Variants in ADAMTS14 observed in about 807,000 individuals in gnomAD.
ADAMTS14 encodes the protein A disintegrin and metalloproteinase with thrombospondin motifs 14.
A neutral mutation model predicts 128.6 loss-of-function variants in ADAMTS14; 100 were observed. That is an observed-to-expected ratio of 0.78 (90% CI 0.66 to 0.92). ADAMTS14 has a LOEUF of 0.92. Ranked by LOEUF, ADAMTS14 falls within the 40% of genes least tolerant of loss-of-function variation. ADAMTS14 has a pLI of 0.00. For missense variants in ADAMTS14, 1,562 were observed against 1,658.6 expected (o/e 0.94, Z 1.01); for synonymous variants, 665 against 653.8 (o/e 1.02, Z -0.26).
chr10:70,740,547 C>T (rs1315182778), intron 11 of ADAMTS14, among the ~76,000 whole-genome samples: 1 of 152,208 alleles, frequency 6.6e-6, no homozygotes, highest in Non-Finnish European at 1.5e-5. Flanking sequence ...TTTTACCACT[C>T]CTTAGTTTAT....
intron 3 of ADAMTS14, among the ~76,000 whole-genome samples, chr10:70,707,690 T>G (rs574437166): frequency 1.8e-4 from 28 of 152,370 alleles, no homozygotes; most frequent in Non-Finnish European, 3.8e-4. Flanking sequence ...ATCTTTGAAC[T>G]TCAATGTGTT....
At chr10:70,675,504 G>A (rs149903556) in intron 2 of ADAMTS14, among the ~76,000 whole-genome samples, 15 of 152,256 alleles carry the variant, frequency 9.9e-5, no homozygotes, top group Non-Finnish European at 1.9e-4. Context: ...GGCTCGTGGC[G>A]TGGGCACAGT....
At chr10:70,718,954 C>T (rs1007834666) in intron 4 of ADAMTS14, among the ~76,000 whole-genome samples, 34 of 152,014 alleles carry the variant, frequency 2.2e-4, no homozygotes, top group African/African-American at 8.0e-4. Context: ...CCTTGGCCCC[C>T]CAGAGTGCTG....
chr10:70,760,555 A>G lies in ADAMTS14; in HGVS notation c.3374A>G (p.Gln1125Arg). ...STPGSPLPGP[Q>R]DPADAAEPPG... ...CCTGGAAGCCCCTTACCAGGACCCC[A>G]GGACCCTGCAGATGCTGCAGAGCCT... Residue 1125 changes from glutamine (Q) to arginine (R), a missense_variant, in exon 22 of 22, where the codon CAG becomes CGG. Gln to Arg is a conservative substitution (Grantham distance 43). Transcript: ENST00000373207. 6.2e-7 allele frequency: 1 copy of G among 1,613,458 alleles called. No homozygotes were observed. Among genetic ancestry groups the G allele is most frequent in the Non-Finnish European group, 8.5e-7 (1 of 1,179,706 alleles).
chr10:70,733,782 C>T, intron 7 of ADAMTS14, 103 bp from the exon 8 acceptor site: 3 of 1,418,414 alleles, frequency 2.1e-6, no homozygotes, highest in Non-Finnish European at 2.9e-6. Context: ...GATCTGAGCT[C>T]CGGGTCAGGT....
intron 12 of ADAMTS14, among the ~76,000 whole-genome samples, chr10:70,741,460 G>A (rs1841997691): frequency 6.6e-6 from 1 of 152,232 alleles, no homozygotes; most frequent in Admixed American, 6.5e-5. Context: ...ACACACAGGT[G>A]TTGCCAAGGC....
chr10:70,693,802 C>T (rs913085825), intron 2 of ADAMTS14, among the ~76,000 whole-genome samples: 2 of 152,206 alleles, frequency 1.3e-5, no homozygotes, highest in African/African-American at 2.4e-5. Context: ...ACCTTGGGAA[C>T]TGTGGCCGAG....
intron 10 of ADAMTS14, 139 bp downstream of exon 10, chr10:70,736,932 T>C (rs933978461): frequency 1.1e-4 from 77 of 704,906 alleles, no homozygotes; most frequent in Non-Finnish European, 1.9e-5. Flanking sequence ...TAAAAGACAG[T>C]GGTGAGTCCA....
Position 70,751,983 on chromosome 10 carries a change from AG to A in ADAMTS14, c.2597-109del, listed in dbSNP as rs1464706907. On this transcript the variant is annotated intron_variant, in intron 17 of 21. Transcript: ENST00000373207. The stretch of plus-strand genomic sequence containing the variant: ...CGTGGGCAGGCGGGGGCATAGGCAG[AG>A]GGAGGTGGGATTGGCCCACAAGGCT... 4 of 1,454,570 alleles carry A rather than the reference AG, an allele frequency of 2.7e-6. No individual in the cohort carries two copies. In the African/African-American group the frequency reaches 5.7e-5, roughly 21 times the overall value. 90.1% of individuals were successfully genotyped at this position (1,454,570 alleles called of 1,614,324 possible).
chr10:70,745,143 GC>G, intron 14 of ADAMTS14, 82 bp from the exon 15 acceptor site: 1 of 1,271,866 alleles, frequency 7.9e-7, no homozygotes. Flanking sequence ...GTTCCTGGGT[GC>G]CCAGTGAGGG....
intron 2 of ADAMTS14, among the ~76,000 whole-genome samples, chr10:70,679,701 T>C (rs1320484191): frequency 6.6e-6 from 1 of 152,234 alleles, no homozygotes; most frequent in Non-Finnish European, 1.5e-5. Flanking sequence ...TTGCCTTCAG[T>C]GCCTCTGTGA....
At chr10:70,690,803 C>A (rs963582268) in intron 2 of ADAMTS14, among the ~76,000 whole-genome samples, 1 of 144,956 alleles carries the variant, frequency 6.9e-6, no homozygotes, top group East Asian at 2.0e-4. Flanking sequence ...AGGGCCTCCA[C>A]GCAGGGTGCC....
Position 70,752,120 on chromosome 10 carries a change from C to T in ADAMTS14, c.2622C>T (p.Cys874=). The T allele has an allele frequency of 1.9e-6, 3 of 1,612,348 alleles. No individual in the cohort carries two copies. Among genetic ancestry groups the T allele is most frequent in the Non-Finnish European group, 2.5e-6 (3 of 1,179,770 alleles). ...GGATCCAGTTCACCAAATACGGCTGCCGGCGCAGACGAGACCACCACATGG... is the reference window on the plus strand; with the variant it reads ...GGATCCAGTTCACCAAATACGGCTGTCGGCGCAGACGAGACCACCACATGG... ...GGGIQFTKYG[C]RRRRDHHMVQ... is the part of the protein sequence containing the mutation. Residue 874 remains cysteine (C), a synonymous_variant, in exon 18 of 22, where the codon TGC becomes TGT. Coordinates refer to ENST00000373207, the MANE Select transcript of ADAMTS14 (RefSeq NM_080722.4).
rs114871573 is a variant in ADAMTS14, at chr10:70,723,406, A to C, written c.871-5888A>C. On this transcript the variant is annotated intron_variant, in intron 4 of 21. Coordinates refer to ENST00000373207, the MANE Select transcript of ADAMTS14 (RefSeq NM_080722.4). ...AGACTTTAGTTAATAACAGCATGTC[A>C]GTATTGGTTCGTTAACTGTGACAAC... 2.9e-3 allele frequency among the ~76,000 whole-genome samples: 448 copies of C among 152,366 alleles called. 4 individuals are homozygous for C. The highest frequency in any genetic ancestry group is 0.01 in the African/African-American group (429 of 41,588).
chr10:70,693,346 C>T (rs1353177986), intron 2 of ADAMTS14, among the ~76,000 whole-genome samples: 1 of 152,222 alleles, frequency 6.6e-6, no homozygotes, highest in African/African-American at 2.4e-5. Context: ...AGCAAACCCT[C>T]CTGTGGTTCC....
Position 70,672,727 on chromosome 10 carries a change from G to A in ADAMTS14, c.-76G>A. On this transcript the variant is annotated 5_prime_UTR_variant, in exon 1 of 22. Transcript: ENST00000373207. Reference sequence around the variant, plus strand: ...AGCCGGTGCTCCGACAGCCCGGGGCGCACCCTAGCCTCGCCGCCCTCAGCC... The same window carrying A: ...AGCCGGTGCTCCGACAGCCCGGGGCACACCCTAGCCTCGCCGCCCTCAGCC... 2.2e-6 allele frequency: 3 copies of A among 1,393,326 alleles called. No individual in the cohort carries two copies. The highest frequency in any genetic ancestry group is 3.2e-5 in the Admixed American group (1 of 31,418). 86.3% of individuals were successfully genotyped at this position (1,393,326 alleles called of 1,614,324 possible). A position where few individuals can be genotyped will look rare whatever the true frequency, so the allele number is the denominator to read the frequency against.
Position 70,736,846 on chromosome 10 carries a change from T to C in ADAMTS14, c.1599+53T>C, listed in dbSNP as rs1841844921. 6 of 1,507,524 alleles carry C rather than the reference T, an allele frequency of 4.0e-6. No homozygotes were observed. In the Admixed American group the frequency reaches 5.2e-5, roughly 13 times the overall value. The allele number at this position is 1,507,524 out of a possible 1,614,324, so 93.4% of individuals were successfully genotyped here. ...GCCTTCCTGGGGTGCAGGGCATCCA[T>C]CACTGGCATGGGGGTGGATCCCAGA... On this transcript the variant is annotated intron_variant, in intron 10 of 21. Transcript: ENST00000373207.
intron 4 of ADAMTS14, among the ~76,000 whole-genome samples, chr10:70,714,962 A>AG (rs1212315742): frequency 7.1e-6 from 1 of 140,826 alleles, no homozygotes; most frequent in African/African-American, 3.0e-5. Flanking sequence ...AAAAAAAAAA[A>AG]AAAAAAAAAA....
intron 4 of ADAMTS14, among the ~76,000 whole-genome samples, chr10:70,716,028 C>T (rs949365980): frequency 6.6e-6 from 1 of 152,210 alleles, no homozygotes; most frequent in Non-Finnish European, 1.5e-5. Context: ...GACCCTTGAC[C>T]TCTGACTCAT....
Sources: gnomAD v4.1 joint callset for allele counts (sites outside exome capture counted in the v4.1 genomes callset) on GRCh38, gnomAD v4.1.1 for gene constraint, MANE v1.5 for transcripts, NCBI Gene and HGNC (gene_info 2026-07-23, HGNC 2026-07-21) for gene names.